The following TMC7 variants were observed in gnomAD, a reference collection of about 807,000 sequenced individuals.
TMC7 encodes transmembrane channel like 7.
TMC7 carries 54 observed loss-of-function variants against 82.9 expected under a neutral mutation model. The observed-to-expected ratio is 0.65, with a 90% CI of 0.52 to 0.82. The LOEUF (loss-of-function observed/expected upper bound fraction) is 0.82, where lower values mean the gene tolerates loss of function less well. TMC7 is among the 40% of genes least tolerant of loss of function. The probability of loss-of-function intolerance (pLI) is 0.00; values close to 1 mark genes in which losing one functional copy is unlikely to be tolerated. For missense variants in TMC7, 820 were observed against 901.2 expected (o/e 0.91, Z 1.15); for synonymous variants, 350 against 337.9 (o/e 1.04, Z -0.39).
At chr16:19,018,896 G>A (rs2142202741) in intron 3 of TMC7, among the ~76,000 whole-genome samples, 1 of 152,198 alleles carries the variant, frequency 6.6e-6, no homozygotes, top group South Asian at 2.1e-4. Flanking sequence ...TGTTGCCCAG[G>A]CCGGAGGGCA....
intron 13 of TMC7, among the ~76,000 whole-genome samples, 187 bp from the exon 14 acceptor site, chr16:19,056,355 G>T (rs1961770670): frequency 6.6e-6 from 1 of 152,092 alleles, no homozygotes; most frequent in Non-Finnish European, 1.5e-5. Context: ...CAAAGTGCTG[G>T]GATGACATTC....
chr16:18,999,234 A>C (rs1276288354), intron 1 of TMC7, among the ~76,000 whole-genome samples: 7 of 152,168 alleles, frequency 4.6e-5, no homozygotes, highest in African/African-American at 1.7e-4. Context: ...TCCTGGGTTC[A>C]AGCAATCCTC....
chr16:19,004,299 G>T (rs1231745684), intron 1 of TMC7, among the ~76,000 whole-genome samples: 1 of 152,062 alleles, frequency 6.6e-6, no homozygotes, highest in Non-Finnish European at 1.5e-5. Flanking sequence ...GGGGTAGGTG[G>T]TGTATGAAAA....
chr16:19,060,201 A>T (rs1467850383), intron 15 of TMC7, among the ~76,000 whole-genome samples: 3 of 151,732 alleles, frequency 2.0e-5, no homozygotes, highest in Admixed American at 1.3e-4. Context: ...TGAGGAGGTG[A>T]TTTTTTTTTA....
chr16:19,059,067 G>A (rs1385768470), intron 14 of TMC7, among the ~76,000 whole-genome samples: 1 of 152,032 alleles, frequency 6.6e-6, no homozygotes, highest in African/African-American at 2.4e-5. Flanking sequence ...TAGTAGAGAC[G>A]GGGTTTCACC....
chr16:19,049,035 A>C (rs1294250032), intron 12 of TMC7, among the ~76,000 whole-genome samples: 1 of 152,086 alleles, frequency 6.6e-6, no homozygotes, highest in Non-Finnish European at 1.5e-5. Context: ...ATTTTAGTTA[A>C]GAAATTTTTT....
rs1158849128 is a variant in TMC7, at chr16:19,040,453, C to A, written c.1337+7C>A. 6.2e-7 allele frequency: 1 copy of A among 1,606,698 alleles called. No homozygotes were observed. Among genetic ancestry groups the A allele is most frequent in the Admixed American group, 1.7e-5 (1 of 59,592 alleles). On this transcript the variant is annotated splice_region_variant and intron_variant, in intron 9 of 15. Coordinates refer to ENST00000304381, the MANE Select transcript of TMC7 (RefSeq NM_024847.4). ...TCCGTCTGACAATCCTTAGGTAATG[C>A]CTAACATGAAGATGGCAGGCATGTC...
Position 18,984,034 on chromosome 16 carries a change from G to A in TMC7, c.-30G>A. 1.4e-6 allele frequency: 2 copies of A among 1,445,480 alleles called. No individual in the cohort carries two copies. Among genetic ancestry groups the A allele is most frequent in the Non-Finnish European group, 1.8e-6 (2 of 1,105,796 alleles). The allele number at this position is 1,445,480 out of a possible 1,614,324, so 89.5% of individuals were successfully genotyped here. A position where few individuals can be genotyped will look rare whatever the true frequency, so the allele number is the denominator to read the frequency against. ...GCGGCGGCGGCTGGAGAGGGTCCTC[G>A]GCAGCCTCTGAGGAGCGCGGGGCGC... On this transcript the variant is annotated 5_prime_UTR_variant, in exon 1 of 16. Coordinates refer to ENST00000304381, the MANE Select transcript of TMC7 (RefSeq NM_024847.4).
chr16:19,013,851 CTTTTTTTTTTT>C (rs35402613), intron 2 of TMC7, among the ~76,000 whole-genome samples: 1 of 87,096 alleles, frequency 1.1e-5, no homozygotes, highest in Non-Finnish European at 2.0e-5. Flanking sequence ...AGCACTCTTG[CTTTTTTTTTTT>C]TTTTTTTTTG....
intron 5 of TMC7, among the ~76,000 whole-genome samples, chr16:19,025,776 G>C (rs1167658890): frequency 7.1e-6 from 1 of 140,508 alleles, no homozygotes; most frequent in Non-Finnish European, 1.5e-5. Flanking sequence ...TTTTCTTTTT[G>C]AGACAAGATC....
intron 4 of TMC7, among the ~76,000 whole-genome samples, chr16:19,022,616 G>A (rs1005737290): frequency 3.9e-5 from 6 of 152,302 alleles, no homozygotes; most frequent in South Asian, 2.1e-4. Flanking sequence ...CTAGGTTTGC[G>A]TAAGTCCACT....
chr16:19,031,840 G>C (rs1167400027), intron 6 of TMC7, among the ~76,000 whole-genome samples: 1 of 152,156 alleles, frequency 6.6e-6, no homozygotes, highest in East Asian at 1.9e-4. Context: ...GTCCTGCCAA[G>C]GGATGGGAAA....
chr16:19,017,913 G>A (rs377762973), intron 3 of TMC7, among the ~76,000 whole-genome samples: 6 of 152,166 alleles, frequency 3.9e-5, no homozygotes, highest in African/African-American at 1.2e-4. Flanking sequence ...CTCGTCATCC[G>A]CCCTTCTCGG....
chr16:19,030,169 T>C (rs4381586), intron 5 of TMC7, 55 bp from the exon 6 acceptor site: 1,563,088 of 1,563,192 alleles, frequency 1, 781,492 homozygotes, highest in Middle Eastern at 1. Context: ...ACTACTCTTC[T>C]GGTTCCCTGC....
intron 1 of TMC7, among the ~76,000 whole-genome samples, chr16:18,990,072 G>T (rs1041258615): frequency 3.9e-5 from 6 of 151,978 alleles, no homozygotes; most frequent in Non-Finnish European, 8.8e-5. Context: ...TGCAGGCAGG[G>T]GTGGATCTCA....
chr16:19,024,601 C>T (rs1960136601), intron 5 of TMC7, among the ~76,000 whole-genome samples: 2 of 151,096 alleles, frequency 1.3e-5, no homozygotes, highest in Admixed American at 1.3e-4. Context: ...GCTCTGTTGC[C>T]CAGTTAGAGT....
At chr16:19,033,985 A>C (rs1960629053) in intron 6 of TMC7, among the ~76,000 whole-genome samples, 1 of 152,240 alleles carries the variant, frequency 6.6e-6, no homozygotes, top group African/African-American at 2.4e-5. Flanking sequence ...TTTCATCTAC[A>C]GAGGACTGTG....
At chr16:19,037,633 C>T (rs1245179355) in intron 7 of TMC7, among the ~76,000 whole-genome samples, 1 of 151,940 alleles carries the variant, frequency 6.6e-6, no homozygotes, top group Non-Finnish European at 1.5e-5. Context: ...CCACACCCAG[C>T]TAATTCTTCT....
At chr16:19,007,682 AAT>A (rs1291338237) in intron 1 of TMC7, among the ~76,000 whole-genome samples, 4 of 151,952 alleles carry the variant, frequency 2.6e-5, no homozygotes, top group African/African-American at 9.7e-5. Context: ...AAAAAAAAAA[AAT>A]AAATAAATAA....
Sources: gnomAD v4.1 joint callset for allele counts (sites outside exome capture counted in the v4.1 genomes callset) on GRCh38, gnomAD v4.1.1 for gene constraint, MANE v1.5 for transcripts, NCBI Gene and HGNC (gene_info 2026-07-23, HGNC 2026-07-21) for gene names.